TBC1D22A: variants seen among roughly 807,000 people sequenced by gnomAD.
TBC1D22A encodes the protein putative GTPase activator.
In TBC1D22A, 38 loss-of-function variants were observed where a neutral mutation model predicts 60.2. The ratio of observed to expected loss-of-function variants is 0.63; its 90% CI spans 0.49 to 0.83. TBC1D22A has a LOEUF of 0.83. Among genes scored for constraint, TBC1D22A ranks in the 40% least tolerant of loss-of-function variants. The pLI is 0.00. For missense variants in TBC1D22A, 628 were observed against 701.0 expected (o/e 0.90, Z 1.18); for synonymous variants, 302 against 281.7 (o/e 1.07, Z -0.72).
chr22:46,780,028 A>G (rs1046485918), intron 1 of TBC1D22A, among the ~76,000 whole-genome samples: 1 of 152,142 alleles, frequency 6.6e-6, no homozygotes, highest in Non-Finnish European at 1.5e-5. Flanking sequence ...TTTTTCGTAC[A>G]TTTTTCCTCC....
chr22:47,109,403 T>C (rs5766677), intron 11 of TBC1D22A, among the ~76,000 whole-genome samples: 68,288 of 152,018 alleles, frequency 0.45, 16,627 homozygotes, highest in African/African-American at 0.64. Context: ...ATTTAGTGGA[T>C]GTATGCAGGG....
intron 10 of TBC1D22A, among the ~76,000 whole-genome samples, chr22:47,006,464 T>C (rs759208947): frequency 2.6e-5 from 4 of 152,220 alleles, no homozygotes; most frequent in Non-Finnish European, 5.9e-5. Context: ...TTGACCGCCC[T>C]GTAGTTGGCT....
chr22:46,982,702 C>T (rs981171635), intron 9 of TBC1D22A, among the ~76,000 whole-genome samples: 3 of 152,158 alleles, frequency 2.0e-5, no homozygotes, highest in African/African-American at 4.8e-5. Flanking sequence ...CCCTGAGGGA[C>T]GTCTAAGCTT....
At position 46,804,950 on chromosome 22, in the gene TBC1D22A, T is replaced by C. The variant is rs1411463038; in HGVS notation, c.637+7330T>C. Reference sequence around the variant, plus strand: ...GATATTGGATACAGACTTGAGCAATTGTGCGACTGTGGTATTTTCTCTATG... The same window carrying C: ...GATATTGGATACAGACTTGAGCAATCGTGCGACTGTGGTATTTTCTCTATG... On this transcript the variant is annotated intron_variant, in intron 4 of 12. Coordinates refer to ENST00000337137, the MANE Select transcript of TBC1D22A (RefSeq NM_014346.5). Among the ~76,000 whole-genome samples, 3 of 152,236 alleles carry C rather than the reference T, an allele frequency of 2.0e-5. No homozygotes were observed. The East Asian group carries it at 5.8e-4, about 29-fold the overall frequency.
intron 4 of TBC1D22A, among the ~76,000 whole-genome samples, chr22:46,848,036 G>GTGAC (rs2087101300): frequency 6.6e-6 from 1 of 152,210 alleles, no homozygotes; most frequent in South Asian, 2.1e-4. Context: ...TTCTTTCTGG[G>GTGAC]TGACATTCCT....
At chr22:46,905,251 A>G (rs1461523423) in intron 7 of TBC1D22A, among the ~76,000 whole-genome samples, 2 of 152,230 alleles carry the variant, frequency 1.3e-5, no homozygotes, top group African/African-American at 2.4e-5. Context: ...AAGTGATTCA[A>G]GACAAAAGAT....
chr22:46,836,353 A>C (rs2086520034), intron 4 of TBC1D22A, among the ~76,000 whole-genome samples: 1 of 152,238 alleles, frequency 6.6e-6, no homozygotes, highest in African/African-American at 2.4e-5. Flanking sequence ...GAGAGAACTA[A>C]AAGTATAAAG....
chr22:47,115,311 G>A (rs1189763082), intron 12 of TBC1D22A, among the ~76,000 whole-genome samples: 2 of 152,152 alleles, frequency 1.3e-5, no homozygotes, highest in Non-Finnish European at 2.9e-5. Context: ...TATGTATGTG[G>A]CTCCACAGCC....
At chr22:46,949,165 A>G (rs2072740906) in intron 8 of TBC1D22A, among the ~76,000 whole-genome samples, 1 of 152,102 alleles carries the variant, frequency 6.6e-6, no homozygotes, top group South Asian at 2.1e-4. Context: ...CTTCTCTTCC[A>G]TTTTTGAGTC....
intron 3 of TBC1D22A, among the ~76,000 whole-genome samples, chr22:46,796,577 C>T (rs553417079): frequency 6.0e-4 from 92 of 152,206 alleles, no homozygotes; most frequent in Admixed American, 2.9e-3. Context: ...GCTTGTTGGT[C>T]TCGGATGGCA....
chr22:46,818,720 T>G (rs2085703866), intron 4 of TBC1D22A, among the ~76,000 whole-genome samples: 1 of 152,240 alleles, frequency 6.6e-6, no homozygotes, highest in South Asian at 2.1e-4. Flanking sequence ...CTTGGCTATA[T>G]GGGGTTTGAT....
At chr22:47,170,348 C>T (rs1409474018) in intron 12 of TBC1D22A, among the ~76,000 whole-genome samples, 2 of 152,018 alleles carry the variant, frequency 1.3e-5, no homozygotes, top group Admixed American at 6.6e-5. Context: ...TAATATGAAG[C>T]GAAGTGGATT....
At chr22:47,055,307 G>A (rs924474842) in intron 11 of TBC1D22A, among the ~76,000 whole-genome samples, 4 of 152,212 alleles carry the variant, frequency 2.6e-5, no homozygotes, top group African/African-American at 9.6e-5. Flanking sequence ...GCCCAGAGCT[G>A]ATGCTCGGGT....
At chr22:46,992,137 C>T (rs916214104) in intron 9 of TBC1D22A, among the ~76,000 whole-genome samples, 4 of 152,208 alleles carry the variant, frequency 2.6e-5, no homozygotes, top group Admixed American at 6.5e-5. Context: ...GATCCCAAGA[C>T]GACCCCACAG....
At chr22:46,892,288 T>C (rs2068446219) in intron 6 of TBC1D22A, among the ~76,000 whole-genome samples, 1 of 113,314 alleles carries the variant, frequency 8.8e-6, no homozygotes, top group South Asian at 3.1e-4. Context: ...TTAGTTGGTT[T>C]TATCTGTAAA....
At chr22:47,036,765 C>A (rs537639128) in intron 10 of TBC1D22A, among the ~76,000 whole-genome samples, 2 of 152,158 alleles carry the variant, frequency 1.3e-5, no homozygotes, top group South Asian at 4.1e-4. Flanking sequence ...TGGAGCCCCA[C>A]GGTGTGGGTG....
intron 12 of TBC1D22A, among the ~76,000 whole-genome samples, chr22:47,124,651 A>G (rs533594192): frequency 1.3e-5 from 2 of 152,256 alleles, no homozygotes; most frequent in Admixed American, 1.3e-4. Flanking sequence ...AGGGGCATGG[A>G]GGAGGCAAGC....
chr22:46,969,751 T>G (rs1044421642), intron 8 of TBC1D22A, among the ~76,000 whole-genome samples: 18 of 152,032 alleles, frequency 1.2e-4, no homozygotes, highest in Non-Finnish European at 1.8e-4. Context: ...TTTCTCAACT[T>G]GGTGTCCCCA....
intron 12 of TBC1D22A, among the ~76,000 whole-genome samples, chr22:47,145,879 A>G (rs1178928543): frequency 6.6e-6 from 1 of 152,066 alleles, no homozygotes; most frequent in African/African-American, 2.4e-5. Flanking sequence ...GGGGTTGACT[A>G]GGAGGCCACG....
Sources: allele counts gnomAD v4.1 joint callset (sites outside exome capture counted in the v4.1 genomes callset), GRCh38; gene constraint gnomAD v4.1.1; transcripts MANE v1.5; gene names NCBI Gene and HGNC (gene_info 2026-07-23, HGNC 2026-07-21).